Variants in RABEP1 observed in about 807,000 individuals in gnomAD.
RABEP1 encodes rabaptin, RAB GTPase binding effector protein 1.
RABEP1 carries 51 observed loss-of-function variants against 123.4 expected under a neutral mutation model. The ratio of observed to expected loss-of-function variants is 0.41; its 90% CI spans 0.33 to 0.52. The LOEUF is 0.52. Ranked by LOEUF, RABEP1 falls within the 20% of genes least tolerant of loss-of-function variation. The pLI, the probability that RABEP1 is intolerant of heterozygous loss-of-function variation, is 0.16. For synonymous variants in RABEP1, 347 were observed against 355.2 expected (o/e 0.98, Z 0.26); for missense variants, 888 against 996.3 (o/e 0.89, Z 1.46).
chr17:5,325,969 G>A (rs2144581844), intron 2 of RABEP1, among the ~76,000 whole-genome samples: 1 of 152,266 alleles, frequency 6.6e-6, no homozygotes, highest in East Asian at 1.9e-4. Flanking sequence ...TGTGAGAATG[G>A]CCTAAATCCA....
chr17:5,380,389 C>T lies in RABEP1; in HGVS notation c.2297C>T (p.Ser766Phe). 1.3e-6 allele frequency: 2 copies of T among 1,572,432 alleles called. No homozygotes were observed. The highest frequency in any genetic ancestry group is 2.3e-5 in the East Asian group (1 of 43,348). Reference protein sequence around the residue: ...GQLESTLREKSQQLESLQEIK... With the variant: ...GQLESTLREKFQQLESLQEIK... ...TTGGAGTCCACATTAAGAGAGAAGT[C>T]TCAACAGCTTGAGAGTCTTCAGGAA... The change falls in exon 16 of 18, where the codon TCT (serine) becomes TTT (phenylalanine). Residue 766 changes from serine (S) to phenylalanine (F), a missense_variant. Ser to Phe is a radical substitution (Grantham distance 155). Transcript: ENST00000537505.
intron 8 of RABEP1, among the ~76,000 whole-genome samples, chr17:5,355,211 A>G (rs1908911935): frequency 6.6e-6 from 1 of 152,198 alleles, no homozygotes; most frequent in African/African-American, 2.4e-5. Context: ...CCTCACTCTG[A>G]CAATTAAGGC....
At chr17:5,343,909 CAT>C (rs1247621555) in intron 5 of RABEP1, among the ~76,000 whole-genome samples, 1 of 151,934 alleles carries the variant, frequency 6.6e-6, no homozygotes, top group African/African-American at 2.4e-5. Context: ...CCCCTGACCT[CAT>C]GTGATCCACT....
At chr17:5,382,081 G>T (rs1042779516) in intron 17 of RABEP1, among the ~76,000 whole-genome samples, 1 of 126,664 alleles carries the variant, frequency 7.9e-6, no homozygotes, top group African/African-American at 3.0e-5. Context: ...ATGGAACTTC[G>T]GATTTTTTTT....
At chr17:5,372,306 G>A (rs1597393752) in intron 12 of RABEP1, among the ~76,000 whole-genome samples, 2 of 152,088 alleles carry the variant, frequency 1.3e-5, no homozygotes, top group South Asian at 2.1e-4. Flanking sequence ...TGAGCTGGGC[G>A]TGGTGGTGCG....
chr17:5,336,749 A>C, intron 4 of RABEP1: 1 of 227,004 alleles, frequency 4.4e-6, no homozygotes, highest in Non-Finnish European at 8.8e-6. Context: ...GACCTTTATA[A>C]GCATCCTAAA....
chr17:5,367,280 T>G (rs1910084690), intron 11 of RABEP1, among the ~76,000 whole-genome samples: 1 of 146,338 alleles, frequency 6.8e-6, no homozygotes, highest in African/African-American at 2.7e-5. Context: ...ACAGTGTAGA[T>G]AAGGGTAAAA....
intron 2 of RABEP1, among the ~76,000 whole-genome samples, chr17:5,309,103 G>T (rs1169658380): frequency 6.6e-6 from 1 of 152,138 alleles, no homozygotes; most frequent in Admixed American, 6.5e-5. Flanking sequence ...TTGGGATACA[G>T]TTGTGGGCAA....
intron 2 of RABEP1, among the ~76,000 whole-genome samples, chr17:5,310,813 T>TG (rs902807657): frequency 9.4e-6 from 1 of 106,832 alleles, no homozygotes; most frequent in African/African-American, 3.6e-5. Context: ...GTTTCATTCA[T>TG]TTTTTTTTTT....
At chr17:5,356,574 G>T in intron 8 of RABEP1, 1 of 171,684 alleles carries the variant, frequency 5.8e-6, no homozygotes. Context: ...TAATATTTTG[G>T]TATGTATCTC....
chr17:5,362,619 T>G (rs1404178254), intron 9 of RABEP1, among the ~76,000 whole-genome samples: 1 of 152,256 alleles, frequency 6.6e-6, no homozygotes, highest in Non-Finnish European at 1.5e-5. Context: ...TTGTTTAGTA[T>G]TATACCATGA....
chr17:5,354,602 C>T (rs1327244649), intron 8 of RABEP1, 112 bp downstream of exon 8: 4 of 965,922 alleles, frequency 4.1e-6, no homozygotes, highest in Admixed American at 3.2e-5. Flanking sequence ...TGCATAGCTA[C>T]GAGGTGAAAG....
intron 1 of RABEP1, among the ~76,000 whole-genome samples, chr17:5,305,011 A>G (rs921080552): frequency 6.6e-6 from 1 of 152,232 alleles, no homozygotes; most frequent in Non-Finnish European, 1.5e-5. Flanking sequence ...TTTTACATGA[A>G]CTATTAGCTA....
At chr17:5,379,567 T>G (rs1911281381) in intron 15 of RABEP1, among the ~76,000 whole-genome samples, 1 of 152,320 alleles carries the variant, frequency 6.6e-6, no homozygotes, top group South Asian at 2.1e-4. Flanking sequence ...GTCTGCCTCC[T>G]GCCTCCACTT....
At chr17:5,294,175 A>G (rs1323982311) in intron 1 of RABEP1, among the ~76,000 whole-genome samples, 3 of 152,150 alleles carry the variant, frequency 2.0e-5, no homozygotes, top group African/African-American at 7.2e-5. Flanking sequence ...AGGCGGGGGA[A>G]TCATGAGGTC....
Position 5,368,409 on chromosome 17 carries a change from T to C in RABEP1, c.1825T>C (p.Leu609=), listed in dbSNP as rs200720513. ...CCTAAGAGCCCAGGCCTCCGAGATCTTACTTGAAGAGTTACAGCAGGGGCT... is the reference window on the plus strand; with the variant it reads ...CCTAAGAGCCCAGGCCTCCGAGATCCTACTTGAAGAGTTACAGCAGGGGCT... ...LVLRAQASEI[L]LEELQQGLSQ... Residue 609 remains leucine (L), a synonymous_variant, in exon 12 of 18, where the codon TTA becomes CTA. Coordinates refer to ENST00000537505, the MANE Select transcript of RABEP1 (RefSeq NM_004703.6). 1.2e-4 allele frequency: 188 copies of C among 1,614,072 alleles called. 1 individual carries two copies. The East Asian group carries it at 3.6e-3, about 31-fold the overall frequency.
intron 12 of RABEP1, among the ~76,000 whole-genome samples, chr17:5,370,032 A>G (rs2144703239): frequency 6.6e-6 from 1 of 152,320 alleles, no homozygotes; most frequent in East Asian, 1.9e-4. Context: ...CAGCCCTTGC[A>G]GACACTTTTC....
intron 5 of RABEP1, among the ~76,000 whole-genome samples, chr17:5,344,689 G>A (rs1475924861): frequency 4.8e-5 from 7 of 146,546 alleles, no homozygotes; most frequent in South Asian, 4.4e-4. Context: ...GGATAATGGC[G>A]TGAACCCGGG....
At chr17:5,373,589 G>T in intron 13 of RABEP1, 135 bp downstream of exon 13, 5 of 1,010,770 alleles carry the variant, frequency 4.9e-6, no homozygotes, top group South Asian at 3.6e-5. Flanking sequence ...CCATTCAGTG[G>T]TTTTTGCTGT....
Sources: allele counts gnomAD v4.1 joint callset (sites outside exome capture counted in the v4.1 genomes callset), GRCh38; gene constraint gnomAD v4.1.1; transcripts MANE v1.5; gene names NCBI Gene and HGNC (gene_info 2026-07-23, HGNC 2026-07-21).